Variants in RAPGEF4 observed in about 807,000 individuals in gnomAD.
RAPGEF4 encodes the protein RAP guanine-nucleotide-exchange factor (GEF) 4.
In RAPGEF4, 66 loss-of-function variants were observed where a neutral mutation model predicts 147.9. The observed-to-expected ratio is 0.45, with a 90% CI of 0.37 to 0.55. The LOEUF (loss-of-function observed/expected upper bound fraction) is 0.55. Ranked by LOEUF, RAPGEF4 falls within the 20% of genes least tolerant of loss-of-function variation. RAPGEF4 has a pLI of 0.00. For synonymous variants in RAPGEF4, 419 were observed against 442.7 expected, an observed-to-expected ratio of 0.95 and a Z score of 0.67; for missense variants, 1,071 against 1,257.3, an observed-to-expected ratio of 0.85 and a Z score of 2.24.
intron 6 of RAPGEF4, among the ~76,000 whole-genome samples, chr2:172,936,064 T>C (rs1686528170): frequency 6.6e-6 from 1 of 152,196 alleles, no homozygotes; most frequent in Non-Finnish European, 1.5e-5. Flanking sequence ...AATACTTATG[T>C]TGAATATTTG....
At chr2:173,005,523 T>TTG (rs1297978600) in intron 17 of RAPGEF4, among the ~76,000 whole-genome samples, 81 of 130,244 alleles carry the variant, frequency 6.2e-4, no homozygotes, top group African/African-American at 2.4e-3. Flanking sequence ...GTTTTGTGTT[T>TTG]TTTTTTTTTT....
At chr2:172,962,180 A>G (rs6754857) in intron 8 of RAPGEF4, among the ~76,000 whole-genome samples, 45,828 of 152,092 alleles carry the variant, frequency 0.3, 7,759 homozygotes, top group East Asian at 0.44. Flanking sequence ...TGGCACACAG[A>G]CCTTCACTCT....
At chr2:172,854,930 G>A (rs957705616) in intron 4 of RAPGEF4, among the ~76,000 whole-genome samples, 3 of 152,136 alleles carry the variant, frequency 2.0e-5, no homozygotes, top group African/African-American at 7.2e-5. Context: ...AAAATTGCTT[G>A]TAAACAAGTT....
chr2:173,045,683 G>A (rs886279229), intron 29 of RAPGEF4, among the ~76,000 whole-genome samples: 1 of 152,224 alleles, frequency 6.6e-6, no homozygotes, highest in Admixed American at 6.5e-5. Flanking sequence ...AGTAAAAGGA[G>A]AAAGACTTTA....
intron 1 of RAPGEF4, among the ~76,000 whole-genome samples, chr2:172,785,843 T>C (rs1404667657): frequency 6.6e-6 from 1 of 151,988 alleles, no homozygotes; most frequent in Admixed American, 6.6e-5. Flanking sequence ...CTCATGTGTG[T>C]TGGGTGTTGG....
intron 6 of RAPGEF4, among the ~76,000 whole-genome samples, chr2:172,925,874 G>A (rs1685271102): frequency 7.0e-6 from 1 of 142,926 alleles, no homozygotes; most frequent in African/African-American, 2.6e-5. Context: ...GAGAGAGAAG[G>A]AGAAAGAAAA....
chr2:172,846,418 T>G (rs1293939884), intron 4 of RAPGEF4, among the ~76,000 whole-genome samples: 1 of 152,186 alleles, frequency 6.6e-6, no homozygotes, highest in Non-Finnish European at 1.5e-5. Flanking sequence ...GTGTCAGGAG[T>G]TCTTTTTAAA....
chr2:172,908,893 G>A (rs1175940746), intron 4 of RAPGEF4, among the ~76,000 whole-genome samples: 10 of 152,158 alleles, frequency 6.6e-5, no homozygotes, highest in African/African-American at 1.9e-4. Context: ...TTAGCAGTAA[G>A]GAGCCAAGCC....
chr2:172,885,114 C>CT (rs1375722825), intron 4 of RAPGEF4, among the ~76,000 whole-genome samples: 1 of 152,242 alleles, frequency 6.6e-6, no homozygotes, highest in African/African-American at 2.4e-5. Context: ...AGCACAGACA[C>CT]TTCAGGGATC....
At chr2:172,810,928 C>CA (rs1477405170) in intron 3 of RAPGEF4, among the ~76,000 whole-genome samples, 1 of 152,136 alleles carries the variant, frequency 6.6e-6, no homozygotes, top group Non-Finnish European at 1.5e-5. Context: ...GATTTGGCTA[C>CA]AAGTGGTTTT....
intron 23 of RAPGEF4, among the ~76,000 whole-genome samples, chr2:173,023,220 G>A (rs1320541290): frequency 1.3e-5 from 2 of 152,168 alleles, no homozygotes; most frequent in East Asian, 3.8e-4. Context: ...TTATGTCTTA[G>A]TCTCCTCATC....
chr2:172,991,855 G>A (rs547121506), intron 15 of RAPGEF4, among the ~76,000 whole-genome samples: 1 of 152,122 alleles, frequency 6.6e-6, no homozygotes, highest in Admixed American at 6.5e-5. Context: ...TTTTCATTTG[G>A]GTGAATCAAC....
intron 3 of RAPGEF4, among the ~76,000 whole-genome samples, chr2:172,807,265 C>G (rs1479245132): frequency 6.6e-6 from 1 of 152,254 alleles, no homozygotes; most frequent in Non-Finnish European, 1.5e-5. Context: ...GCTGGACAGA[C>G]TGGCTCTCCA....
chr2:172,920,052 C>T (rs544762968), intron 5 of RAPGEF4, among the ~76,000 whole-genome samples: 83 of 152,218 alleles, frequency 5.5e-4, no homozygotes, highest in African/African-American at 1.9e-3. Flanking sequence ...TAGTCTAGGC[C>T]TGATTTCCCC....
rs534946373 is a variant in RAPGEF4 at position 172,985,328 on chromosome 2, G to C, written c.1090-105G>C. 8.5e-5 allele frequency: 129 copies of C among 1,508,886 alleles called. 5 individuals are homozygous for C. In the South Asian group the frequency reaches 1.4e-3, roughly 16 times the overall value. The allele number at this position is 1,508,886 out of a possible 1,614,324, so 93.5% of individuals were successfully genotyped here. ...AAGAGAGGTGAGAGATGACTGCATGGGAAGCCCCGGGACAGTTTGCATTGT... is the reference window on the plus strand; with the variant it reads ...AAGAGAGGTGAGAGATGACTGCATGCGAAGCCCCGGGACAGTTTGCATTGT... On this transcript the variant is annotated intron_variant, in intron 11 of 30. Coordinates refer to ENST00000397081, the MANE Select transcript of RAPGEF4 (RefSeq NM_007023.4).
chr2:172,915,473 G>T (rs534134353), intron 4 of RAPGEF4, among the ~76,000 whole-genome samples: 105 of 152,124 alleles, frequency 6.9e-4, no homozygotes, highest in African/African-American at 2.1e-3. Context: ...GGCCGAGGCG[G>T]GTGGATTGCT....
chr2:172,949,145 G>A (rs533526183), intron 6 of RAPGEF4, among the ~76,000 whole-genome samples: 2 of 152,156 alleles, frequency 1.3e-5, no homozygotes, highest in Non-Finnish European at 2.9e-5. Flanking sequence ...TGGAATTTCA[G>A]AAATGAAAAG....
At position 172,748,316 on chromosome 2, in the gene RAPGEF4, C is replaced by T. The variant is rs938240927; in HGVS notation, c.65+12268C>T. Among the ~76,000 whole-genome samples, 61 of 152,124 alleles carry T rather than the reference C, an allele frequency of 4.0e-4. 1 individual carries two copies. The highest frequency in any genetic ancestry group is 4.0e-3 in the Admixed American group (61 of 15,282). On this transcript the variant is annotated intron_variant, in intron 1 of 30. Transcript: ENST00000397081. Reference sequence around the variant, plus strand: ...TTTTCATGCTGCTGAGAAAGACATACCTGAGATGGGGTAATTTATGAAGAA... The same window carrying T: ...TTTTCATGCTGCTGAGAAAGACATATCTGAGATGGGGTAATTTATGAAGAA...
chr2:172,905,826 C>T (rs532511196), intron 4 of RAPGEF4, among the ~76,000 whole-genome samples: 9 of 152,314 alleles, frequency 5.9e-5, no homozygotes, highest in Admixed American at 3.3e-4. Flanking sequence ...GAAAGGGCTT[C>T]GAACTTATTT....
Sources: allele counts gnomAD v4.1 joint callset (sites outside exome capture counted in the v4.1 genomes callset), GRCh38; gene constraint gnomAD v4.1.1; transcripts MANE v1.5; gene names NCBI Gene and HGNC (gene_info 2026-07-23, HGNC 2026-07-21).